The following ADAMTSL1 variants were observed in gnomAD, a reference collection of about 807,000 sequenced individuals.
ADAMTSL1 encodes the protein ADAMTS like 1.
In ADAMTSL1, 126 loss-of-function variants were observed where a neutral mutation model predicts 201.8. The ratio of observed to expected loss-of-function variants is 0.62; its 90% confidence interval spans 0.54 to 0.72. The LOEUF (loss-of-function observed/expected upper bound fraction) is 0.72. Ranked by LOEUF, ADAMTSL1 falls within the 30% of genes least tolerant of loss-of-function variation. The pLI, the probability that ADAMTSL1 is intolerant of heterozygous loss-of-function variation, is 0.00. For missense variants in ADAMTSL1, 2,679 were observed against 2,277.8 expected (o/e 1.18, Z -3.59); for synonymous variants, 1,121 against 903.4 (o/e 1.24, Z -4.32).
intron 9 of ADAMTSL1, among the ~76,000 whole-genome samples, chr9:18,667,869 G>C (rs1474553567): frequency 6.6e-6 from 1 of 152,128 alleles, no homozygotes; most frequent in African/African-American, 2.4e-5. Context: ...ATATGATCTT[G>C]AGAGTAAATC....
intron 2 of ADAMTSL1, among the ~76,000 whole-genome samples, chr9:18,332,655 TG>T (rs1176932774): frequency 1.3e-5 from 2 of 152,184 alleles, no homozygotes; most frequent in East Asian, 3.9e-4. Flanking sequence ...TGCTACAATA[TG>T]GACGTACAGC....
intron 19 of ADAMTSL1, among the ~76,000 whole-genome samples, chr9:18,791,256 C>G (rs1199445311): frequency 6.6e-6 from 1 of 152,200 alleles, no homozygotes; most frequent in Non-Finnish European, 1.5e-5. Context: ...CATGGGACCC[C>G]CCTCCAGAAC....
chr9:17,999,297 C>T (rs1461585814), intron 1 of ADAMTSL1, among the ~76,000 whole-genome samples: 1 of 151,836 alleles, frequency 6.6e-6, no homozygotes, highest in African/African-American at 2.4e-5. Flanking sequence ...GAGGCTAGAA[C>T]TGGTGAAGCC....
intron 2 of ADAMTSL1, among the ~76,000 whole-genome samples, chr9:18,300,467 G>T (rs1317062464): frequency 6.6e-6 from 1 of 150,918 alleles, no homozygotes; most frequent in Non-Finnish European, 1.5e-5. Flanking sequence ...GTCAGGGGGA[G>T]GGGGGCTGGG....
intron 2 of ADAMTSL1, among the ~76,000 whole-genome samples, chr9:18,321,217 G>C (rs1221430859): frequency 6.6e-6 from 1 of 152,012 alleles, no homozygotes; most frequent in East Asian, 1.9e-4. Flanking sequence ...CCAATATAAA[G>C]ATATTTTGTA....
chr9:18,672,075 C>T lies in ADAMTSL1; in HGVS notation c.1086-3782C>T, dbSNP rs190229706. 1.3e-3 allele frequency among the ~76,000 whole-genome samples: 196 copies of T among 151,862 alleles called. 1 individual carries two copies. The highest frequency in any genetic ancestry group is 4.6e-3 in the African/African-American group (192 of 41,460). ...TTAATTAAAAAAAAGAACAGAACCC[C>T]GGTAAATTAGGTGCCCATGGAGTTA... is the stretch of plus-strand genomic sequence containing the variant. On this transcript the variant is annotated intron_variant, in intron 9 of 28. Transcript: ENST00000380548.
In ADAMTSL1 at chr9:18,417,225, C is replaced by A. The variant is rs185837761; in HGVS notation, c.208-87604C>A. ...TATAACGTATTTTGAACTGAGATCC[C>A]ACTAGAGCATTACTTGAGAGGGGGA... On this transcript the variant is annotated intron_variant, in intron 2 of 29. Coordinates refer to the ADAMTSL1 transcript ENST00000680146. Among the ~76,000 whole-genome samples the A allele has an allele frequency of 6.6e-3, 992 of 151,444 alleles. 14 individuals carry two copies. The highest frequency in any genetic ancestry group is 0.023 in the African/African-American group (936 of 41,364).
intron 2 of ADAMTSL1, among the ~76,000 whole-genome samples, chr9:18,190,379 G>T (rs1828922788): frequency 6.6e-6 from 1 of 152,132 alleles, no homozygotes; most frequent in Non-Finnish European, 1.5e-5. Flanking sequence ...TTATTCCATG[G>T]AAGTCACTTT....
At chr9:18,173,822 C>G (rs923112823) in intron 2 of ADAMTSL1, among the ~76,000 whole-genome samples, 6 of 152,066 alleles carry the variant, frequency 3.9e-5, no homozygotes, top group African/African-American at 1.4e-4. Flanking sequence ...GGCATTTTCA[C>G]GTTTCATATT....
At chr9:18,093,420 G>C (rs747002435) in intron 1 of ADAMTSL1, among the ~76,000 whole-genome samples, 2 of 152,126 alleles carry the variant, frequency 1.3e-5, no homozygotes, top group Non-Finnish European at 2.9e-5. Flanking sequence ...CCCCTACTCT[G>C]TAGTTGAAAG....
chr9:18,519,229 T>C (rs1026384179), intron 2 of ADAMTSL1, among the ~76,000 whole-genome samples: 1 of 152,262 alleles, frequency 6.6e-6, no homozygotes, highest in Non-Finnish European at 1.5e-5. Context: ...ATCAGTGTTA[T>C]GGTCTCAGGT....
chr9:18,845,096 C>T (rs892288847), intron 23 of ADAMTSL1, among the ~76,000 whole-genome samples: 2 of 152,198 alleles, frequency 1.3e-5, no homozygotes, highest in Non-Finnish European at 1.5e-5. Context: ...CCCGGTACCT[C>T]AGATGGAAAT....
At chr9:18,058,569 G>T (rs936396576) in intron 1 of ADAMTSL1, among the ~76,000 whole-genome samples, 1 of 151,732 alleles carries the variant, frequency 6.6e-6, no homozygotes, top group African/African-American at 2.4e-5. Context: ...GAGGATCTGG[G>T]GATGAATGGA....
At chr9:18,078,263 G>C (rs559375351) in intron 1 of ADAMTSL1, among the ~76,000 whole-genome samples, 2 of 152,188 alleles carry the variant, frequency 1.3e-5, no homozygotes, top group African/African-American at 4.8e-5. Flanking sequence ...TCGCGCAGTG[G>C]GGAAAGTTTT....
chr9:17,925,275 A>G (rs2131303191), intron 1 of ADAMTSL1, among the ~76,000 whole-genome samples: 1 of 122,254 alleles, frequency 8.2e-6, no homozygotes, highest in Middle Eastern at 3.8e-3. Context: ...AACTAGTTCA[A>G]CCATTGTGGA....
intron 1 of ADAMTSL1, among the ~76,000 whole-genome samples, chr9:17,930,045 A>G (rs1826714234): frequency 6.6e-6 from 1 of 152,330 alleles, no homozygotes; most frequent in South Asian, 2.1e-4. Context: ...CAGTGAATGT[A>G]TACATTATTA....
At chr9:18,759,055 A>C (rs1159000297) in intron 16 of ADAMTSL1, among the ~76,000 whole-genome samples, 1 of 152,248 alleles carries the variant, frequency 6.6e-6, no homozygotes, top group African/African-American at 2.4e-5. Context: ...ACTTTGAAAC[A>C]CAATTTATAT....
At chr9:17,957,233 C>A (rs1006989393) in intron 1 of ADAMTSL1, among the ~76,000 whole-genome samples, 1 of 152,136 alleles carries the variant, frequency 6.6e-6, no homozygotes, top group Non-Finnish European at 1.5e-5. Context: ...GTCTGAGAAA[C>A]GCAGCTGGAG....
intron 1 of ADAMTSL1, among the ~76,000 whole-genome samples, chr9:18,055,442 C>T (rs7866191): frequency 0.6 from 91,734 of 152,062 alleles, 27,760 homozygotes; most frequent in South Asian, 0.69. Context: ...GCATTAAAGT[C>T]TTCTCTTGGA....
Sources: gnomAD v4.1 joint callset for allele counts (sites outside exome capture counted in the v4.1 genomes callset) on GRCh38, gnomAD v4.1.1 for gene constraint, MANE v1.5 for transcripts, NCBI Gene and HGNC (gene_info 2026-07-23, HGNC 2026-07-21) for gene names.